Variants in LGR4 observed in about 807,000 individuals in gnomAD.
LGR4 encodes leucine-rich repeat-containing G protein-coupled receptor 4.
LGR4 carries 44 observed loss-of-function variants against 84.8 expected under a neutral mutation model. The observed-to-expected ratio is 0.52, with a 90% CI of 0.41 to 0.67. LGR4 has a LOEUF of 0.67. Among genes scored for constraint, LGR4 ranks in the 30% least tolerant of loss-of-function variants. The probability of loss-of-function intolerance (pLI) is 0.00; values close to 1 mark genes in which losing one functional copy is unlikely to be tolerated. For missense variants in LGR4, 1,032 were observed against 1,131.4 expected, an observed-to-expected ratio of 0.91 and a Z score of 1.26; for synonymous variants, 429 against 434.3, an observed-to-expected ratio of 0.99 and a Z score of 0.15.
Position 27,366,887 on chromosome 11 carries a change from T to G in LGR4, c.*980A>C, listed in dbSNP as rs1290686769. 2.0e-5 allele frequency: 3 copies of G among 152,278 alleles called. No individual in the cohort carries two copies. Among genetic ancestry groups the G allele is most frequent in the African/African-American group, 7.2e-5 (3 of 41,568 alleles). The allele number at this position is 152,278 out of a possible 1,614,324, so 9.4% of individuals were successfully genotyped here. A position where few individuals can be genotyped will look rare whatever the true frequency, so the allele number is the denominator to read the frequency against. On this transcript the variant is annotated 3_prime_UTR_variant, in exon 18 of 18. Coordinates refer to ENST00000379214, the MANE Select transcript of LGR4 (RefSeq NM_018490.5). The stretch of plus-strand genomic sequence containing the variant: ...AAGAAATAAACATAAGTACTTCGTG[T>G]CATAATTACTCCCCGTTTCGTCTAA...
chr11:27,384,812 A>C (rs1052316410), intron 5 of LGR4, among the ~76,000 whole-genome samples: 7 of 152,202 alleles, frequency 4.6e-5, no homozygotes, highest in Admixed American at 3.3e-4. Context: ...TGAGATCTCC[A>C]ACAGATTTTA....
intron 1 of LGR4, among the ~76,000 whole-genome samples, chr11:27,431,857 T>G (rs1864123036): frequency 6.6e-6 from 1 of 152,244 alleles, no homozygotes. Flanking sequence ...CTGCGTGATC[T>G]TCCACAGATG....
chr11:27,391,085 G>A lies in LGR4; in HGVS notation c.401+9C>T, dbSNP rs889635432. On this transcript the variant is annotated intron_variant, in intron 4 of 17. Transcript: ENST00000379214. ...TCTTGGTGAGTCAAGAAACCAAGAA[G>A]TTACTTACAAAGACTGCAAAGCACT... 11 of 1,564,188 alleles carry A rather than the reference G, an allele frequency of 7.0e-6. No homozygotes were observed. Among genetic ancestry groups the A allele is most frequent in the Middle Eastern group, 1.7e-4 (1 of 5,928 alleles).
intron 1 of LGR4, among the ~76,000 whole-genome samples, chr11:27,470,667 CAA>C (rs1378944085): frequency 2.7e-5 from 4 of 147,252 alleles, no homozygotes; most frequent in African/African-American, 7.6e-5. Context: ...CTCTTCACTG[CAA>C]AGTTAACTTT....
At chr11:27,379,985 C>T (rs772359028) in intron 10 of LGR4, among the ~76,000 whole-genome samples, 49 of 152,172 alleles carry the variant, frequency 3.2e-4, no homozygotes, top group Non-Finnish European at 6.3e-4. Flanking sequence ...TAGTCTACAT[C>T]GAATGCCCCC....
At chr11:27,384,930 C>T (rs1381084489) in intron 5 of LGR4, among the ~76,000 whole-genome samples, 1 of 152,152 alleles carries the variant, frequency 6.6e-6, no homozygotes, top group Non-Finnish European at 1.5e-5. Flanking sequence ...CTTCTATGGA[C>T]ACCTCGAAAT....
intron 1 of LGR4, among the ~76,000 whole-genome samples, chr11:27,438,398 T>G (rs983837862): frequency 6.6e-6 from 1 of 152,166 alleles, no homozygotes; most frequent in Non-Finnish European, 1.5e-5. Flanking sequence ...TATTTTTGGT[T>G]GCCACCACTT....
At chr11:27,441,808 T>C (rs920511364) in intron 1 of LGR4, among the ~76,000 whole-genome samples, 1 of 152,136 alleles carries the variant, frequency 6.6e-6, no homozygotes, top group African/African-American at 2.4e-5. Context: ...AAAAGGATTG[T>C]CCATGTTGGG....
chr11:27,394,626 T>C (rs1590359170), intron 2 of LGR4, among the ~76,000 whole-genome samples: 1 of 151,962 alleles, frequency 6.6e-6, no homozygotes, highest in Non-Finnish European at 1.5e-5. Context: ...TGGTTTCGAA[T>C]TCCTGACCTC....
At chr11:27,372,059 C>A (rs1862894423) in intron 16 of LGR4, among the ~76,000 whole-genome samples, 1 of 152,100 alleles carries the variant, frequency 6.6e-6, no homozygotes, top group Non-Finnish European at 1.5e-5. Flanking sequence ...TAGAGAGAGT[C>A]TCACTTTGTT....
intron 2 of LGR4, among the ~76,000 whole-genome samples, chr11:27,401,602 A>G (rs1461231975): frequency 1.3e-5 from 2 of 152,186 alleles, no homozygotes; most frequent in Non-Finnish European, 2.9e-5. Flanking sequence ...ATGGCAAAGG[A>G]GGTATTGAGT....
chr11:27,448,821 T>C (rs950111155), intron 1 of LGR4, among the ~76,000 whole-genome samples: 1 of 152,202 alleles, frequency 6.6e-6, no homozygotes, highest in Admixed American at 6.5e-5. Context: ...AATCAACCAT[T>C]GGAGCAAGCC....
chr11:27,434,643 A>G (rs1160936360), intron 1 of LGR4, among the ~76,000 whole-genome samples: 1 of 152,236 alleles, frequency 6.6e-6, no homozygotes, highest in East Asian at 1.9e-4. Flanking sequence ...ACAATCTGTC[A>G]AGGACACTAG....
intron 1 of LGR4, among the ~76,000 whole-genome samples, chr11:27,464,903 C>A (rs1005373063): frequency 2.0e-5 from 3 of 151,876 alleles, no homozygotes; most frequent in Admixed American, 2.0e-4. Flanking sequence ...AAAAAAAAAC[C>A]TGCATTCTCC....
intron 1 of LGR4, among the ~76,000 whole-genome samples, chr11:27,464,808 G>A (rs1864748155): frequency 6.6e-6 from 1 of 152,052 alleles, no homozygotes; most frequent in African/African-American, 2.4e-5. Context: ...TCTACACTCT[G>A]ATTCAAATAC....
intron 14 of LGR4, 96 bp from the exon 15 acceptor site, chr11:27,373,772 G>A: frequency 8.0e-7 from 1 of 1,251,994 alleles, no homozygotes; most frequent in Non-Finnish European, 1.1e-6. Flanking sequence ...AGATCCCTAA[G>A]ATGAAGTTCA....
chr11:27,439,207 T>G (rs542886009), intron 1 of LGR4, among the ~76,000 whole-genome samples: 1 of 152,282 alleles, frequency 6.6e-6, no homozygotes, highest in East Asian at 1.9e-4. Flanking sequence ...TACCCATTAA[T>G]CAGTAACTCC....
chr11:27,424,949 T>C (rs565907153), intron 1 of LGR4, among the ~76,000 whole-genome samples: 6 of 152,238 alleles, frequency 3.9e-5, no homozygotes, highest in African/African-American at 1.2e-4. Context: ...GGTTTCACCA[T>C]GTTGGCCAGG....
rs775370995 is a variant in LGR4, at chr11:27,385,207, C to T, written c.617+46G>A. On this transcript the variant is annotated intron_variant, in intron 5 of 17. Coordinates refer to ENST00000379214, the MANE Select transcript of LGR4 (RefSeq NM_018490.5). ...CTGTCAGAAGAAATCTGTTTTTGTA[C>T]CCCAATTAACACAAATATATGGAAT... The T allele has an allele frequency of 6.9e-6, 9 of 1,306,972 alleles. No homozygotes were observed. In the Admixed American group the frequency reaches 1.8e-4, roughly 26 times the overall value. 81.0% of individuals were successfully genotyped at this position (1,306,972 alleles called of 1,614,324 possible).
Sources: gnomAD v4.1 joint callset for allele counts (sites outside exome capture counted in the v4.1 genomes callset) on GRCh38, gnomAD v4.1.1 for gene constraint, MANE v1.5 for transcripts, NCBI Gene and HGNC (gene_info 2026-07-23, HGNC 2026-07-21) for gene names.